Variants in GBF1 observed in about 807,000 individuals in gnomAD.
GBF1 encodes Golgi-specific brefeldin A-resistance guanine nucleotide exchange factor 1.
In GBF1, 114 loss-of-function variants were observed where a neutral mutation model predicts 210.5. The ratio of observed to expected loss-of-function variants is 0.54; its 90% CI spans 0.47 to 0.63. The LOEUF is 0.63. GBF1 is among the 30% of genes least tolerant of loss of function. The pLI is 0.00. For synonymous variants in GBF1, 850 were observed against 889.2 expected, an observed-to-expected ratio of 0.96 and a Z score of 0.78; for missense variants, 1,851 against 2,357.7, an observed-to-expected ratio of 0.79 and a Z score of 4.45.
Position 102,377,173 on chromosome 10 carries a change from C to G in GBF1, c.4494+33C>G, listed in dbSNP as rs754230609. The G allele has an allele frequency of 1.9e-6, 3 of 1,554,320 alleles. No individual in the cohort carries two copies. In the East Asian group the frequency reaches 6.8e-5, roughly 35 times the overall value. On this transcript the variant is annotated intron_variant, in intron 33 of 39. Coordinates refer to ENST00000369983, the MANE Select transcript of GBF1 (RefSeq NM_001377137.1). ...TGGCACCCTTTACTTCCTCTCCTCC[C>G]CTGCACCTGATACTGGGAGCCTGGG... is the stretch of plus-strand genomic sequence containing the variant.
intron 1 of GBF1, among the ~76,000 whole-genome samples, chr10:102,256,521 T>A (rs201213394): frequency 2.2e-4 from 28 of 127,912 alleles, no homozygotes; most frequent in East Asian, 1.4e-3. Flanking sequence ...AAAAAAAAAA[T>A]TTTTTTTTTT....
chr10:102,338,547 T>G (rs1201370231), intron 3 of GBF1, among the ~76,000 whole-genome samples: 2 of 151,864 alleles, frequency 1.3e-5, no homozygotes, highest in Non-Finnish European at 2.9e-5. Flanking sequence ...CCCAGCCGAT[T>G]TCAACTATCT....
chr10:102,297,053 A>G (rs1045346032), intron 3 of GBF1, among the ~76,000 whole-genome samples: 12 of 131,998 alleles, frequency 9.1e-5, no homozygotes, highest in African/African-American at 3.1e-4. Flanking sequence ...AAAAAAAAAA[A>G]AAGGAAAAAA....
At chr10:102,234,633 CCTTA>C in the GBF1 span, among the ~76,000 whole-genome samples, 14 of 151,958 alleles carry the variant, frequency 9.2e-5, no homozygotes, top group Non-Finnish European at 1.9e-4. Flanking sequence ...TGAAGTCTCC[CCTTA>C]CTTCATACCC....
At chr10:102,327,591 G>C (rs748771054) in intron 3 of GBF1, among the ~76,000 whole-genome samples, 11 of 152,174 alleles carry the variant, frequency 7.2e-5, no homozygotes, top group African/African-American at 2.6e-4. Flanking sequence ...AATCATTCTT[G>C]TTTCTATTCT....
At chr10:102,372,665 C>G (rs1190045611) in intron 29 of GBF1, among the ~76,000 whole-genome samples, 5 of 152,146 alleles carry the variant, frequency 3.3e-5, no homozygotes, top group Non-Finnish European at 7.3e-5. Flanking sequence ...AAGAACAATT[C>G]AGTGGAGGAG....
rs373502588 is a variant in GBF1, at chr10:102,377,096, G to A, written c.4450G>A (p.Val1484Met). The A allele has an allele frequency of 3.4e-5, 55 of 1,613,988 alleles. 1 individual carries two copies. The highest frequency in any genetic ancestry group is 2.2e-4 in the South Asian group (20 of 91,082). Reference sequence around the variant, plus strand: ...GAGTGATGATGATGAGGACGAAGGCGTGCCTGCCAGCTACCATACGGTGTC... The same window carrying A: ...GAGTGATGATGATGAGGACGAAGGCATGCCTGCCAGCTACCATACGGTGTC... ...GQSDDDEDEG[V>M]PASYHTVSLQ... is the part of the protein sequence containing the mutation. Residue 1484 changes from valine to methionine, a missense_variant, in exon 33 of 40, where the codon GTG becomes ATG. Transcript: ENST00000369983.
chr10:102,262,303 G>C (rs1565028392), intron 3 of GBF1, among the ~76,000 whole-genome samples: 1 of 151,996 alleles, frequency 6.6e-6, no homozygotes, highest in East Asian at 1.9e-4. Context: ...TGTACCGACT[G>C]GTACTTGAGT....
At chr10:102,346,656 C>T (rs1294525835) in intron 4 of GBF1, among the ~76,000 whole-genome samples, 6 of 151,966 alleles carry the variant, frequency 3.9e-5, no homozygotes, top group African/African-American at 7.3e-5. Context: ...TATAGGCACA[C>T]GCCACCACAC....
chr10:102,285,543 C>T (rs953680364), intron 3 of GBF1, among the ~76,000 whole-genome samples: 7 of 152,198 alleles, frequency 4.6e-5, no homozygotes, highest in African/African-American at 7.2e-5. Flanking sequence ...ATGTCTTCTA[C>T]ATCAAACTGT....
chr10:102,363,944 A>C lies in GBF1; in HGVS notation c.2106+146A>C, dbSNP rs549636990. 2 of 596,124 alleles carry C rather than the reference A, an allele frequency of 3.4e-6. No homozygotes were observed. Among genetic ancestry groups the C allele is most frequent in the Non-Finnish European group, 6.0e-6 (2 of 335,218 alleles). 36.9% of individuals were successfully genotyped at this position (596,124 alleles called of 1,614,324 possible). A position where few individuals can be genotyped will look rare whatever the true frequency, so the allele number is the denominator to read the frequency against. ...TCTTTGGGCTTGTTGGGACTTCAGC[A>C]ACTCCCATTTGAAGCCCTTCCCTTA... On this transcript the variant is annotated intron_variant, in intron 17 of 39. Transcript: ENST00000369983. This position sits in a 1 kb window ranked among gnomAD's most constrained non-coding sequence, Gnocchi z 4.2.
At chr10:102,314,396 C>T (rs1475319944) in intron 3 of GBF1, among the ~76,000 whole-genome samples, 1 of 152,114 alleles carries the variant, frequency 6.6e-6, no homozygotes, top group Non-Finnish European at 1.5e-5. Flanking sequence ...GTCCTCCCGC[C>T]TAGGCCTCCC....
chr10:102,286,194 G>GTT (rs55904022), intron 3 of GBF1, among the ~76,000 whole-genome samples: 40 of 126,336 alleles, frequency 3.2e-4, no homozygotes, highest in African/African-American at 1.2e-3. Flanking sequence ...AAGCATAAGG[G>GTT]TTTTTTTTTT....
At chr10:102,296,025 T>G (rs948432147) in intron 3 of GBF1, among the ~76,000 whole-genome samples, 2 of 152,208 alleles carry the variant, frequency 1.3e-5, no homozygotes, top group African/African-American at 4.8e-5. Flanking sequence ...ACTCATTTAT[T>G]GCTATTAAAA....
At position 102,381,114 on chromosome 10, in the gene GBF1, C is replaced by T; in HGVS notation, c.5174-13C>T. The T allele has an allele frequency of 1.2e-6, 2 of 1,613,012 alleles. No homozygotes were observed. Among genetic ancestry groups the T allele is most frequent in the Non-Finnish European group, 8.5e-7 (1 of 1,179,324 alleles). ...CACTAAGAGGTGCCATCTCAATTCT[C>T]TACCGTCTCCAGACCCCATGCCCAT... On this transcript the variant is annotated splice_polypyrimidine_tract_variant and intron_variant, in intron 38 of 39. Transcript: ENST00000369983.
intron 1 of GBF1, among the ~76,000 whole-genome samples, chr10:102,253,978 G>A (rs1455939256): frequency 6.6e-6 from 1 of 152,004 alleles, no homozygotes; most frequent in African/African-American, 2.4e-5. Context: ...CATCTCTGTT[G>A]CCAATTTTGG....
chr10:102,318,606 T>A (rs1484662659), intron 3 of GBF1, among the ~76,000 whole-genome samples: 1 of 152,182 alleles, frequency 6.6e-6, no homozygotes, highest in Admixed American at 6.5e-5. Context: ...CTTCTATTAT[T>A]TTTATTTCTC....
At chr10:102,275,124 G>T (rs1246462387) in intron 3 of GBF1, among the ~76,000 whole-genome samples, 1 of 151,982 alleles carries the variant, frequency 6.6e-6, no homozygotes, top group Non-Finnish European at 1.5e-5. Context: ...CAAAGTGCTG[G>T]GATTACAGGC....
At position 102,377,054 on chromosome 10, in the gene GBF1, G is replaced by A; in HGVS notation, c.4408G>A (p.Ala1470Thr). The part of the protein sequence containing the change: ...LRRPRTSSQH[A>T]SRGGQSDDDE... Reference sequence around the variant, plus strand: ...CCGGCCTCGAACCTCCAGCCAACATGCCTCTCGGGGCGGGCAGAGTGATGA... The same window carrying A: ...CCGGCCTCGAACCTCCAGCCAACATACCTCTCGGGGCGGGCAGAGTGATGA... The change falls in exon 33 of 40, where the codon GCC becomes ACC. Residue 1470 changes from alanine (A) to threonine (T), a missense_variant. Physicochemically the swap from Ala to Thr is moderately conservative, Grantham distance 58. Coordinates refer to ENST00000369983, the MANE Select transcript of GBF1 (RefSeq NM_001377137.1). 2 of 1,614,172 alleles carry A rather than the reference G, an allele frequency of 1.2e-6. No individual in the cohort carries two copies. Among genetic ancestry groups the A allele is most frequent in the Non-Finnish European group, 1.7e-6 (2 of 1,180,028 alleles).
Sources: allele counts gnomAD v4.1 joint callset (sites outside exome capture counted in the v4.1 genomes callset), GRCh38; gene constraint gnomAD v4.1.1; non-coding constraint Gnocchi (gnomAD v3.1); transcripts MANE v1.5; gene names NCBI Gene and HGNC (gene_info 2026-07-23, HGNC 2026-07-21).